Variants in STK33 observed in about 807,000 individuals in gnomAD.
STK33 encodes the protein serine/threonine-protein kinase 33.
Under a neutral mutation model 58.0 loss-of-function variants are expected in STK33, and 52 were observed. That is an observed-to-expected ratio of 0.90 (90% CI 0.72 to 1.13). STK33 has a LOEUF of 1.13. Among genes scored for constraint, STK33 ranks in the 50% most tolerant of loss-of-function variants. The pLI is 0.00. For synonymous variants in STK33, 215 were observed against 200.1 expected, an observed-to-expected ratio of 1.07 and a Z score of -0.63; for missense variants, 630 against 604.2, an observed-to-expected ratio of 1.04 and a Z score of -0.45.
intron 1 of STK33, among the ~76,000 whole-genome samples, chr11:8,517,074 C>T (rs969976061): frequency 5.3e-5 from 8 of 152,184 alleles, no homozygotes; most frequent in African/African-American, 7.2e-5. Context: ...AACTGGGAAA[C>T]GCCTCCCAGT....
At chr11:8,521,354 T>A (rs1047280184) in intron 1 of STK33, among the ~76,000 whole-genome samples, 7 of 152,096 alleles carry the variant, frequency 4.6e-5, no homozygotes, top group African/African-American at 1.7e-4. Context: ...TTGACAAACC[T>A]TACACAAACA....
At chr11:8,468,016 T>C (rs1383073904) in intron 6 of STK33, among the ~76,000 whole-genome samples, 5 of 152,036 alleles carry the variant, frequency 3.3e-5, no homozygotes, top group African/African-American at 1.2e-4. Context: ...ACCAATTTAC[T>C]GTATTAGTCC....
At chr11:8,345,663 C>T in the STK33 span, among the ~76,000 whole-genome samples, 3 of 152,120 alleles carry the variant, frequency 2.0e-5, no homozygotes, top group Non-Finnish European at 4.4e-5. Context: ...TCAGGGAGAG[C>T]CTTGAGGGCC....
intron 11 of STK33, among the ~76,000 whole-genome samples, chr11:8,442,030 TACACACACACAC>T (rs55646106): frequency 2.2e-4 from 32 of 143,428 alleles, no homozygotes; most frequent in Admixed American, 9.8e-4. Context: ...TACCTACACC[TACACACACACAC>T]ACACACACAC....
chr11:8,478,973 T>C lies in STK33; in HGVS notation c.-261+1437A>G, dbSNP rs558393357. 2.6e-5 allele frequency among the ~76,000 whole-genome samples: 4 copies of C among 152,352 alleles called. No homozygotes were observed. In the East Asian group the frequency reaches 7.7e-4, roughly 29 times the overall value. ...AAAAGGATTTACAGTATATTTAAAA[T>C]TCACATTATTTCAGAATTTTTTTAA... On this transcript the variant is annotated intron_variant, in intron 2 of 15. Transcript: ENST00000687296.
chr11:8,454,191 CA>C (rs1181055702), intron 10 of STK33, among the ~76,000 whole-genome samples: 2 of 152,198 alleles, frequency 1.3e-5, no homozygotes, highest in Non-Finnish European at 2.9e-5. Flanking sequence ...TAAATTAACA[CA>C]TTTATATATT....
chr11:8,431,077 G>A (rs1044010941), intron 14 of STK33, among the ~76,000 whole-genome samples: 2 of 152,002 alleles, frequency 1.3e-5, no homozygotes, highest in African/African-American at 2.4e-5. Context: ...ATATTGGCCA[G>A]GCTGATCGCA....
the STK33 span, among the ~76,000 whole-genome samples, chr11:8,370,003 T>A: frequency 6.6e-6 from 1 of 152,186 alleles, no homozygotes; most frequent in Non-Finnish European, 1.5e-5. Context: ...AGTCTCTGTC[T>A]CAGGCCCTTC....
intron 1 of STK33, among the ~76,000 whole-genome samples, chr11:8,523,784 C>A (rs1432019430): frequency 6.6e-6 from 1 of 152,140 alleles, no homozygotes; most frequent in Non-Finnish European, 1.5e-5. Context: ...AAGTGAGGAG[C>A]CCCTCTGCCC....
At chr11:8,365,615 G>A in the STK33 span, among the ~76,000 whole-genome samples, 1 of 151,940 alleles carries the variant, frequency 6.6e-6, no homozygotes, top group African/African-American at 2.4e-5. Context: ...CCCATTTACC[G>A]TTACCACCCC....
At position 8,392,477 on chromosome 11, in the gene STK33, T is replaced by G; in HGVS notation, c.*33A>C. The G allele has an allele frequency of 6.2e-7, 1 of 1,611,982 alleles. No individual in the cohort carries two copies. Among genetic ancestry groups the G allele is most frequent in the Non-Finnish European group, 8.5e-7 (1 of 1,179,200 alleles). ...CATCAAAGTGCTAACAAGAGCAGCT[T>G]TGTTTTTGTACTGTCCAACACTGGA... On this transcript the variant is annotated 3_prime_UTR_variant, in exon 16 of 16. Transcript: ENST00000687296.
intron 2 of STK33, among the ~76,000 whole-genome samples, chr11:8,479,794 G>C (rs1949641672): frequency 1.3e-5 from 2 of 152,116 alleles, no homozygotes; most frequent in Admixed American, 6.5e-5. Context: ...AGTGAGCTGA[G>C]ATCGCACCAC....
At position 8,392,469 on chromosome 11, in the gene STK33, G is replaced by A; in HGVS notation, c.*41C>T. The A allele has an allele frequency of 6.2e-7, 1 of 1,608,906 alleles. No homozygotes were observed. The highest frequency in any genetic ancestry group is 8.5e-7 in the Non-Finnish European group (1 of 1,176,754). On this transcript the variant is annotated 3_prime_UTR_variant, in exon 16 of 16. Coordinates refer to ENST00000687296, the MANE Select transcript of STK33 (RefSeq NM_001352389.2). ...TACCCCCTCATCAAAGTGCTAACAA[G>A]AGCAGCTTTGTTTTTGTACTGTCCA...
chr11:8,350,532 G>A, the STK33 span, among the ~76,000 whole-genome samples: 7 of 152,146 alleles, frequency 4.6e-5, no homozygotes, highest in Admixed American at 6.5e-5. Context: ...TCACCTTCCC[G>A]TGCAGGGACT....
chr11:8,491,071 C>T (rs1950573935), intron 1 of STK33, among the ~76,000 whole-genome samples: 1 of 152,164 alleles, frequency 6.6e-6, no homozygotes, highest in African/African-American at 2.4e-5. Flanking sequence ...AGTAACAGAA[C>T]AAAGCTGGAC....
intron 15 of STK33, among the ~76,000 whole-genome samples, chr11:8,398,775 A>G (rs1269855019): frequency 7.3e-6 from 1 of 137,528 alleles, no homozygotes; most frequent in East Asian, 2.3e-4. Flanking sequence ...AGATCTACCA[A>G]GCAAATGGAA....
At chr11:8,376,241 A>C in the STK33 span, among the ~76,000 whole-genome samples, 1 of 152,178 alleles carries the variant, frequency 6.6e-6, no homozygotes, top group Non-Finnish European at 1.5e-5. Flanking sequence ...GAGGGGGCAG[A>C]AGTGACTATG....
chr11:8,558,053 A>G (rs1284797342), intron 1 of STK33, among the ~76,000 whole-genome samples: 2 of 152,210 alleles, frequency 1.3e-5, no homozygotes, highest in Admixed American at 6.5e-5. Context: ...GGACACATGA[A>G]GCCCTAACCA....
chr11:8,375,851 G>A, the STK33 span, among the ~76,000 whole-genome samples: 17 of 152,174 alleles, frequency 1.1e-4, no homozygotes, highest in Non-Finnish European at 1.9e-4. Context: ...GTGGAACTGT[G>A]AGTCAATTAA....
Sources: allele counts gnomAD v4.1 joint callset (sites outside exome capture counted in the v4.1 genomes callset), GRCh38; gene constraint gnomAD v4.1.1; transcripts MANE v1.5; gene names NCBI Gene and HGNC (gene_info 2026-07-23, HGNC 2026-07-21).